ZFP90: variants seen among roughly 807,000 people sequenced by gnomAD.
ZFP90 encodes ZFP90 zinc finger protein.
ZFP90 carries 38 observed loss-of-function variants against 60.8 expected under a neutral mutation model. That is an observed-to-expected ratio of 0.62 (90% CI 0.48 to 0.82). The LOEUF is 0.82. Among genes scored for constraint, ZFP90 ranks in the 40% least tolerant of loss-of-function variants. The pLI, the probability that ZFP90 is intolerant of heterozygous loss-of-function variation, is 0.00. For synonymous variants in ZFP90, 287 were observed against 264.8 expected, an observed-to-expected ratio of 1.08 and a Z score of -0.82; for missense variants, 711 against 759.1, an observed-to-expected ratio of 0.94 and a Z score of 0.74.
rs747516755 is a variant in ZFP90 at position 68,557,181 on chromosome 16, TTTTGC to T, written c.34-815_34-811del. 481 of 454,466 alleles carry T rather than the reference TTTTGC, an allele frequency of 1.1e-3. 2 individuals are homozygous for T. Among genetic ancestry groups the T allele is most frequent in the Middle Eastern group, 1.1e-3 (2 of 1,856 alleles). 28.2% of individuals were successfully genotyped at this position (454,466 alleles called of 1,614,324 possible). A position where few individuals can be genotyped will look rare whatever the true frequency, so the allele number is the denominator to read the frequency against. On this transcript the variant is annotated intron_variant, in intron 2 of 4. Transcript: ENST00000563169. Reference sequence around the variant, plus strand: ...TTTTTGATCTTTTGTAGAGATGGGGTTTTGCTCTATTGCCTAGGATGGTCTCAAAC... The same window carrying T: ...TTTTTGATCTTTTGTAGAGATGGGGTTCTATTGCCTAGGATGGTCTCAAAC...
Position 68,564,409 on chromosome 16 carries a change from C to G in ZFP90, c.1622C>G (p.Thr541Ser), listed in dbSNP as rs1324907627. 1.9e-6 allele frequency: 3 copies of G among 1,613,532 alleles called. No individual in the cohort carries two copies. The South Asian group carries it at 3.3e-5, about 18-fold the overall frequency. ...GCCTTTAGTCGACGCTCATCGCTTA[C>G]TCAACATGAGAGAACCCACACTGGA... Reference protein sequence around the residue: ...GEAFSRRSSLTQHERTHTGEK... With the variant: ...GEAFSRRSSLSQHERTHTGEK... The change falls in exon 5 of 5, where the codon ACT (threonine) becomes AGT (serine). Residue 541 changes from threonine (T) to serine (S), a missense_variant. Thr to Ser is a moderately conservative substitution (Grantham distance 58). Around this residue, in one of 5 missense-constraint regions of ZFP90, gnomAD observed 295 missense variants for 274.0 expected, o/e 1.08. Transcript: ENST00000563169.
At chr16:68,539,663 C>T (rs970056755) in intron 1 of ZFP90, 95 bp from the exon 2 acceptor site, 1 of 941,740 alleles carries the variant, frequency 1.1e-6, no homozygotes, top group Non-Finnish European at 1.5e-6. Context: ...ACCATCTCCC[C>T]TGGAGATGTG....
intron 2 of ZFP90, among the ~76,000 whole-genome samples, chr16:68,550,694 A>G (rs1205759549): frequency 6.6e-6 from 1 of 152,242 alleles, no homozygotes; most frequent in Non-Finnish European, 1.5e-5. Flanking sequence ...TCCTTAATTT[A>G]AAAACATAAT....
At chr16:68,561,309 T>C (rs1381876791) in intron 4 of ZFP90, among the ~76,000 whole-genome samples, 2 of 152,222 alleles carry the variant, frequency 1.3e-5, no homozygotes, top group Non-Finnish European at 2.9e-5. Flanking sequence ...TCCAGTATTA[T>C]CCTTCTATTC....
In ZFP90 at chr16:68,565,137, C is replaced by T. The variant is rs775016203; in HGVS notation, c.*439C>T. 1,118 of 992,678 alleles carry T rather than the reference C, an allele frequency of 1.1e-3. 1 individual carries two copies. The highest frequency in any genetic ancestry group is 1.3e-3 in the Non-Finnish European group (1,055 of 834,656). The allele number at this position is 992,678 out of a possible 1,614,324, so 61.5% of individuals were successfully genotyped here. Reference sequence around the variant, plus strand: ...ACTTCACCATGGAAACCAGTTCCAACTCCAGGAAGTCACCATTCAAAGAAT... The same window carrying T: ...ACTTCACCATGGAAACCAGTTCCAATTCCAGGAAGTCACCATTCAAAGAAT... On this transcript the variant is annotated 3_prime_UTR_variant, in exon 5 of 5. Transcript: ENST00000563169.
rs1248285771 is a variant in ZFP90, at chr16:68,564,976, TATC to T, written c.*283_*285del. ...TGCTTTTGAATATATGTATGCAGGATATCATCAAGTTTCAACATCTTGACTTGT... is the reference window on the plus strand; with the variant it reads ...TGCTTTTGAATATATGTATGCAGGATATCAAGTTTCAACATCTTGACTTGT... On this transcript the variant is annotated 3_prime_UTR_variant, in exon 5 of 5. Transcript: ENST00000563169. 2.2e-5 allele frequency: 25 copies of T among 1,122,284 alleles called. No homozygotes were observed. Among genetic ancestry groups the T allele is most frequent in the African/African-American group, 1.3e-4 (8 of 61,700 alleles). 69.5% of individuals were successfully genotyped at this position (1,122,284 alleles called of 1,614,324 possible). A position where few individuals can be genotyped will look rare whatever the true frequency, so the allele number is the denominator to read the frequency against.
chr16:68,535,511 T>C (rs190149259), upstream of ZFP90: 33 of 152,268 alleles, frequency 2.2e-4, no homozygotes, highest in East Asian at 6.4e-3. Flanking sequence ...AAAACAAAGC[T>C]CTTAGCTTTG....
chr16:68,560,420 A>G (rs1445283032), intron 4 of ZFP90, among the ~76,000 whole-genome samples: 7 of 152,206 alleles, frequency 4.6e-5, no homozygotes, highest in Non-Finnish European at 1.0e-4. Flanking sequence ...TGATGTTTTC[A>G]AGGTTCAATC....
Position 68,539,324 on chromosome 16 carries a change from TC to T in ZFP90, c.-189del, listed in dbSNP as rs1042010495. 5.3e-5 allele frequency: 9 copies of T among 169,812 alleles called. No homozygotes were observed. The highest frequency in any genetic ancestry group is 2.1e-4 in the African/African-American group (9 of 42,340). The allele number at this position is 169,812 out of a possible 1,614,324, so 10.5% of individuals were successfully genotyped here. On this transcript the variant is annotated 5_prime_UTR_variant, in exon 1 of 5. Transcript: ENST00000563169. ...TTCTGCCCCACCGCTGCGGCCATTG[TC>T]CGACCCCGGTGCGGCTGAGGCCCCT...
chr16:68,566,846 C>T lies in ZFP90; in HGVS notation c.*2148C>T, dbSNP rs532732971. The T allele has an allele frequency of 2.0e-6, 2 of 985,550 alleles. No individual in the cohort carries two copies. Among genetic ancestry groups the T allele is most frequent in the African/African-American group, 3.5e-5 (2 of 57,334 alleles). The allele number at this position is 985,550 out of a possible 1,614,324, so 61.1% of individuals were successfully genotyped here. On this transcript the variant is annotated 3_prime_UTR_variant, in exon 5 of 5. Coordinates refer to ENST00000563169, the MANE Select transcript of ZFP90 (RefSeq NM_001305203.2). ...GAATTGTAACCAACTGAGTGCTGCC[C>T]CCACTGTTACGGAAGTTTATAAAAC...
rs1482972609 is a variant in ZFP90 at position 68,566,332 on chromosome 16, C to G, written c.*1634C>G. 2 of 985,272 alleles carry G rather than the reference C, an allele frequency of 2.0e-6. No individual in the cohort carries two copies. The highest frequency in any genetic ancestry group is 2.4e-6 in the Non-Finnish European group (2 of 829,934). 61.0% of individuals were successfully genotyped at this position (985,272 alleles called of 1,614,324 possible). ...TTCCTTTTACACAAGAGCTGCCTCC[C>G]AAAGATAGATAAATTTTCCCAGCCC... On this transcript the variant is annotated 3_prime_UTR_variant, in exon 5 of 5. Coordinates refer to ENST00000563169, the MANE Select transcript of ZFP90 (RefSeq NM_001305203.2).
chr16:68,575,268 G>A (rs182389948), intron 2 of ZFP90, among the ~76,000 whole-genome samples: 41 of 152,334 alleles, frequency 2.7e-4, no homozygotes, highest in Admixed American at 3.9e-4. Context: ...TGGGACAGGC[G>A]TGCCTCAGCC....
chr16:68,566,773 A>C lies in ZFP90; in HGVS notation c.*2075A>C. 2 of 985,490 alleles carry C rather than the reference A, an allele frequency of 2.0e-6. No individual in the cohort carries two copies. Among genetic ancestry groups the C allele is most frequent in the South Asian group, 4.7e-5 (1 of 21,286 alleles). The allele number at this position is 985,490 out of a possible 1,614,324, so 61.0% of individuals were successfully genotyped here. On this transcript the variant is annotated 3_prime_UTR_variant, in exon 5 of 5. Transcript: ENST00000563169. ...ATGCCTGTCAGGAACTCATTATGCT[A>C]CTGGTTGTTTGGGGATCCCCATAGT...
downstream of ZFP90, among the ~76,000 whole-genome samples, chr16:68,571,734 C>T (rs2091569148): frequency 6.6e-6 from 1 of 152,008 alleles, no homozygotes; most frequent in Non-Finnish European, 1.5e-5. Flanking sequence ...TCGAGACCAG[C>T]CTAAGCAACA....
chr16:68,555,825 T>TA (rs2091334485), intron 2 of ZFP90, among the ~76,000 whole-genome samples: 1 of 152,170 alleles, frequency 6.6e-6, no homozygotes, highest in Non-Finnish European at 1.5e-5. Context: ...GACAGAATGA[T>TA]ACTCTTGAGG....
chr16:68,560,393 GCTT>G (rs1420899258), intron 4 of ZFP90, among the ~76,000 whole-genome samples: 25 of 152,178 alleles, frequency 1.6e-4, no homozygotes, highest in Non-Finnish European at 1.5e-5. Flanking sequence ...TATGGCACTG[GCTT>G]CTTTCACTTA....
Position 68,539,551 on chromosome 16 carries a change from A to G in ZFP90, c.-36+72A>G, listed in dbSNP as rs576298775. Reference sequence around the variant, plus strand: ...CCGGGCCTCGCCCACCACCCTGCGAAGGGGACTGGGCGTGGCCGGAGGGGG... The same window carrying G: ...CCGGGCCTCGCCCACCACCCTGCGAGGGGGACTGGGCGTGGCCGGAGGGGG... On this transcript the variant is annotated intron_variant, in intron 1 of 4. Coordinates refer to ENST00000563169, the MANE Select transcript of ZFP90 (RefSeq NM_001305203.2). The G allele has an allele frequency of 1.2e-5, 6 of 502,120 alleles. No homozygotes were observed. The African/African-American group carries it at 1.2e-4, about 10-fold the overall frequency. 31.1% of individuals were successfully genotyped at this position (502,120 alleles called of 1,614,324 possible). A position where few individuals can be genotyped will look rare whatever the true frequency, so the allele number is the denominator to read the frequency against.
At chr16:68,552,002 C>T (rs1189448219) in intron 2 of ZFP90, among the ~76,000 whole-genome samples, 3 of 151,980 alleles carry the variant, frequency 2.0e-5, no homozygotes, top group Non-Finnish European at 4.4e-5. Flanking sequence ...TCTCGTGATC[C>T]ACCCGCCTTG....
chr16:68,560,639 C>G (rs1376495806), intron 4 of ZFP90, among the ~76,000 whole-genome samples: 1 of 151,710 alleles, frequency 6.6e-6, no homozygotes, highest in East Asian at 1.9e-4. Flanking sequence ...TCACTGTAAC[C>G]TCCACCTCCT....
Sources: allele counts gnomAD v4.1 joint callset (sites outside exome capture counted in the v4.1 genomes callset), GRCh38; gene constraint gnomAD v4.1.1; regional missense constraint gnomAD v4.1.1; transcripts MANE v1.5; gene names NCBI Gene and HGNC (gene_info 2026-07-23, HGNC 2026-07-21).